Variants in EFCAB6 observed in about 807,000 individuals in gnomAD.
EFCAB6 encodes the protein EF-hand calcium binding domain 6.
A neutral mutation model predicts 169.8 loss-of-function variants in EFCAB6; 156 were observed. The ratio of observed to expected loss-of-function variants is 0.92; its 90% CI spans 0.81 to 1.05. The LOEUF (loss-of-function observed/expected upper bound fraction) is 1.05. EFCAB6 is among the 50% of genes least tolerant of loss of function. The pLI, the probability that EFCAB6 is intolerant of heterozygous loss-of-function variation, is 0.00. For synonymous variants in EFCAB6, 698 were observed against 676.4 expected (o/e 1.03, Z -0.50); for missense variants, 1,800 against 1,829.1 (o/e 0.98, Z 0.29).
intron 27 of EFCAB6, among the ~76,000 whole-genome samples, chr22:43,550,257 A>G (rs145656603): frequency 2.6e-5 from 4 of 152,326 alleles, no homozygotes; most frequent in African/African-American, 9.6e-5. Flanking sequence ...CTCCAGGGTC[A>G]CACAGCTGGA....
chr22:43,713,255 T>C (rs1054689827), intron 9 of EFCAB6, among the ~76,000 whole-genome samples: 1 of 152,224 alleles, frequency 6.6e-6, no homozygotes, highest in Non-Finnish European at 1.5e-5. Flanking sequence ...AGATCGTATC[T>C]GTTTTGTTCA....
intron 26 of EFCAB6, among the ~76,000 whole-genome samples, chr22:43,567,457 G>A (rs2049521271): frequency 6.6e-6 from 1 of 152,070 alleles, no homozygotes; most frequent in African/African-American, 2.4e-5. Context: ...ACCGAAATAG[G>A]ATAGAATACA....
At chr22:43,622,063 C>T (rs1480001056) in intron 20 of EFCAB6, among the ~76,000 whole-genome samples, 1 of 152,088 alleles carries the variant, frequency 6.6e-6, no homozygotes, top group African/African-American at 2.4e-5. Flanking sequence ...AAAGGACATT[C>T]CAGGACTTGA....
At chr22:43,739,895 G>C (rs969005310) in intron 6 of EFCAB6, among the ~76,000 whole-genome samples, 1 of 151,966 alleles carries the variant, frequency 6.6e-6, no homozygotes, top group African/African-American at 2.4e-5. Context: ...ATGTGAGTCT[G>C]AGCATGCCCT....
intron 20 of EFCAB6, among the ~76,000 whole-genome samples, chr22:43,623,148 A>C (rs1416667666): frequency 6.6e-6 from 1 of 152,244 alleles, no homozygotes; most frequent in Non-Finnish European, 1.5e-5. Flanking sequence ...ATTTCTAAGG[A>C]TAAAAAAGGA....
At chr22:43,642,572 T>C (rs1021767152) in intron 17 of EFCAB6, among the ~76,000 whole-genome samples, 2 of 152,216 alleles carry the variant, frequency 1.3e-5, no homozygotes, top group African/African-American at 4.8e-5. Flanking sequence ...CAAGGTTATC[T>C]GATCACATGC....
intron 6 of EFCAB6, among the ~76,000 whole-genome samples, chr22:43,752,453 C>T (rs1249679845): frequency 6.6e-6 from 1 of 152,164 alleles, no homozygotes; most frequent in East Asian, 1.9e-4. Context: ...CCTCTATTTT[C>T]CATTTTGTTC....
At chr22:43,586,872 C>T (rs2051111355) in intron 24 of EFCAB6, among the ~76,000 whole-genome samples, 1 of 152,134 alleles carries the variant, frequency 6.6e-6, no homozygotes, top group Non-Finnish European at 1.5e-5. Flanking sequence ...TGCAATGGTT[C>T]TGATGCTTGG....
chr22:43,591,105 T>G (rs9614440), intron 23 of EFCAB6, among the ~76,000 whole-genome samples: 1 of 90,644 alleles, frequency 1.1e-5, no homozygotes, highest in Non-Finnish European at 2.2e-5. Context: ...TTGTTTTTTG[T>G]TTTTTGTTTT....
rs140641457 is a variant in EFCAB6 at position 43,795,819 on chromosome 22, A to AAC, written c.-8+13174_-8+13175dup. Among the ~76,000 whole-genome samples, 429 of 148,888 alleles carry AAC rather than the reference A, an allele frequency of 2.9e-3. 1 individual carries two copies. Among genetic ancestry groups the AAC allele is most frequent in the East Asian group, 0.02 (100 of 5,038 alleles). On this transcript the variant is annotated intron_variant, in intron 2 of 31. Coordinates refer to ENST00000262726, the MANE Select transcript of EFCAB6 (RefSeq NM_022785.4). This position sits in a 1 kb window ranked among gnomAD's most constrained non-coding sequence, Gnocchi z 4.2. ...GCCATTCAGACAGCACTCGCCTCCC[A>AAC]ACACACACACACACACACACACTAC...
intron 10 of EFCAB6, among the ~76,000 whole-genome samples, chr22:43,699,745 G>A (rs1027947240): frequency 3.3e-5 from 5 of 152,106 alleles, no homozygotes; most frequent in African/African-American, 9.7e-5. Context: ...TCCTAAACAC[G>A]TGGGTTACCA....
chr22:43,725,081 C>T (rs1292591205), intron 8 of EFCAB6, among the ~76,000 whole-genome samples: 1 of 148,632 alleles, frequency 6.7e-6, no homozygotes, highest in Non-Finnish European at 1.5e-5. Flanking sequence ...TCTGTTGTAA[C>T]ATGGAAGAAA....
At chr22:43,536,791 A>C (rs527891245) in intron 29 of EFCAB6, 2 of 152,458 alleles carry the variant, frequency 1.3e-5, no homozygotes, top group South Asian at 4.1e-4. Context: ...GTGAGCTGAG[A>C]TCATACCACT....
chr22:43,683,599 G>A (rs1258841971), intron 12 of EFCAB6, 148 bp downstream of exon 12: 1 of 657,254 alleles, frequency 1.5e-6, no homozygotes, highest in African/African-American at 1.8e-5. Context: ...TAAGTGCTCA[G>A]AATAATTCCC....
At chr22:43,631,157 A>T (rs1166270287) in intron 19 of EFCAB6, among the ~76,000 whole-genome samples, 1 of 150,658 alleles carries the variant, frequency 6.6e-6, no homozygotes, top group Non-Finnish European at 1.5e-5. Flanking sequence ...TCCCTTCTGG[A>T]CTTCACCCAT....
intron 11 of EFCAB6, among the ~76,000 whole-genome samples, chr22:43,687,067 T>C (rs1490748301): frequency 6.6e-6 from 1 of 152,202 alleles, no homozygotes; most frequent in Non-Finnish European, 1.5e-5. Context: ...CATATATTGT[T>C]CCTTTCCATG....
intron 10 of EFCAB6, among the ~76,000 whole-genome samples, chr22:43,705,324 AT>A (rs1417368157): frequency 6.6e-5 from 10 of 152,166 alleles, no homozygotes; most frequent in Non-Finnish European, 1.5e-4. Flanking sequence ...GATCATCCAG[AT>A]AAAAAATTAA....
intron 17 of EFCAB6, among the ~76,000 whole-genome samples, chr22:43,642,194 C>T (rs1167979321): frequency 2.6e-5 from 4 of 152,034 alleles, no homozygotes; most frequent in African/African-American, 9.7e-5. Flanking sequence ...ACCCGCCTCG[C>T]CCTCCCAAAG....
chr22:43,581,046 T>C (rs1244229430), intron 24 of EFCAB6, among the ~76,000 whole-genome samples: 1 of 152,138 alleles, frequency 6.6e-6, no homozygotes, highest in Non-Finnish European at 1.5e-5. Context: ...GGATGTGACA[T>C]TTGCATAGCA....
Sources: allele counts gnomAD v4.1 joint callset (sites outside exome capture counted in the v4.1 genomes callset), GRCh38; gene constraint gnomAD v4.1.1; non-coding constraint Gnocchi (gnomAD v3.1); transcripts MANE v1.5; gene names NCBI Gene and HGNC (gene_info 2026-07-23, HGNC 2026-07-21).